FCSK: variants seen among roughly 807,000 people sequenced by gnomAD.
FCSK encodes L-fucose kinase.
Under a neutral mutation model 122.5 loss-of-function variants are expected in FCSK, and 123 were observed. That is an observed-to-expected ratio of 1.00 (90% CI 0.87 to 1.17). The LOEUF (loss-of-function observed/expected upper bound fraction) is 1.17. Ranked by LOEUF, FCSK falls within the 50% of genes most tolerant of loss-of-function variation. The pLI is 0.00. For missense variants in FCSK, 1,366 were observed against 1,450.4 expected (o/e 0.94, Z 0.95); for synonymous variants, 620 against 625.5 (o/e 0.99, Z 0.13).
At position 70,474,887 on chromosome 16, in the gene FCSK, G is replaced by A. The variant is rs764189604; in HGVS notation, c.2253G>A (p.Arg751=). 6.2e-7 allele frequency: 1 copy of A among 1,605,714 alleles called. No individual in the cohort carries two copies. Among genetic ancestry groups the A allele is most frequent in the Non-Finnish European group, 8.5e-7 (1 of 1,177,156 alleles). ...ACGGCCGCCGGCCCATCGGAGCCAG[G>A]GCACGCCGCATCCCGGAGCCTGAGC... is the stretch of plus-strand genomic sequence containing the variant. The part of the protein sequence containing the change: ...RVDGRRPIGA[R]ARRIPEPELW... The change falls in exon 18 of 24, where the codon AGG becomes AGA. Residue 751 remains arginine, a synonymous_variant. Coordinates refer to ENST00000288078, the MANE Select transcript of FCSK (RefSeq NM_145059.3).
In FCSK at chr16:70,466,152, T is replaced by G; in HGVS notation, c.306T>G (p.Asp102Glu). 1.9e-6 allele frequency: 3 copies of G among 1,613,968 alleles called. No homozygotes were observed. The highest frequency in any genetic ancestry group is 1.3e-5 in the African/African-American group (1 of 75,028). ...TCCAGGGTCGAGACTTCCCCTTTGATGACTGTGGCAGGGCTTTCACCTGCC... is the reference window on the plus strand; with the variant it reads ...TCCAGGGTCGAGACTTCCCCTTTGAGGACTGTGGCAGGGCTTTCACCTGCC... ...ILHMGRDFPF[D>E]DCGRAFTCLP... Residue 102 changes from aspartate to glutamate, a missense_variant, in exon 5 of 24, where the codon GAT becomes GAG. Coordinates refer to ENST00000288078, the MANE Select transcript of FCSK (RefSeq NM_145059.3).
Position 70,474,545 on chromosome 16 carries a change from G to T in FCSK, c.2006G>T (p.Arg669Leu). ...CTTGGCAGGCCAGCCTTGCTGGTGC[G>T]AGCGGCCCGCCACTATGAGGGGGCT... The part of the protein sequence containing the change: ...KWLSRPALLV[R>L]AARHYEGAGQ... Residue 669 changes from arginine to leucine, a missense_variant, in exon 17 of 24, where the codon CGA (arginine) becomes CTA (leucine). Arg to Leu is a moderately radical substitution (Grantham distance 102). Transcript: ENST00000288078. 6.5e-7 allele frequency: 1 copy of T among 1,548,338 alleles called. No individual in the cohort carries two copies. Among genetic ancestry groups the T allele is most frequent in the Non-Finnish European group, 8.7e-7 (1 of 1,147,216 alleles).
chr16:70,467,001 G>A, intron 6 of FCSK, 47 bp downstream of exon 6: 1 of 1,569,624 alleles, frequency 6.4e-7, no homozygotes, highest in Non-Finnish European at 8.7e-7. Context: ...CACAGCCACA[G>A]CAAGAAGCCA....
chr16:70,474,690 C>G lies in FCSK; in HGVS notation c.2151C>G (p.Phe717Leu). The change falls in exon 17 of 24, where the codon TTC becomes TTG. Residue 717 changes from phenylalanine (F) to leucine (L), a missense_variant. Transcript: ENST00000288078. ...VVAECPARVD[F>L]SGGWSDTPPL... is the part of the protein sequence containing the mutation. Reference sequence around the variant, plus strand: ...CTGAGTGCCCGGCCCGTGTGGATTTCTCTGGTGAGCCCCTTGTGGCAGGTG... The same window carrying G: ...CTGAGTGCCCGGCCCGTGTGGATTTGTCTGGTGAGCCCCTTGTGGCAGGTG... The G allele has an allele frequency of 6.3e-7, 1 of 1,599,706 alleles. No individual in the cohort carries two copies. The highest frequency in any genetic ancestry group is 8.5e-7 in the Non-Finnish European group (1 of 1,173,602).
Position 70,474,940 on chromosome 16 carries a change from A to T in FCSK, c.2306A>T (p.Asp769Val), listed in dbSNP as rs1597634927. 4 of 1,611,478 alleles carry T rather than the reference A, an allele frequency of 2.5e-6. No homozygotes were observed. In the Middle Eastern group the frequency reaches 5.0e-4, roughly 201 times the overall value. ...TGGCTGGCGGTGGGGCCTCGGCAGG[A>T]TGAGATGACTGTGAAGATAGTGTGC... ...ELWLAVGPRQ[D>V]EMTVKIVCRC... The change falls in exon 18 of 24, where the codon GAT becomes GTT. Residue 769 changes from aspartate (D) to valine (V), a missense_variant. Coordinates refer to ENST00000288078, the MANE Select transcript of FCSK (RefSeq NM_145059.3).
chr16:70,459,907 T>G (rs888669133), intron 1 of FCSK, among the ~76,000 whole-genome samples: 2 of 151,826 alleles, frequency 1.3e-5, no homozygotes, highest in Non-Finnish European at 2.9e-5. Flanking sequence ...GTTGAAGTGA[T>G]TCTCCTGTCT....
Position 70,478,591 on chromosome 16 carries a change from T to G in FCSK, c.2870T>G (p.Val957Gly), listed in dbSNP as rs768633106. 4 of 1,613,618 alleles carry G rather than the reference T, an allele frequency of 2.5e-6. No individual in the cohort carries two copies. The highest frequency in any genetic ancestry group is 3.4e-6 in the Non-Finnish European group (4 of 1,180,016). The change falls in exon 22 of 24, where the codon GTG becomes GGG. Residue 957 changes from valine (V) to glycine (G), a missense_variant. Physicochemically the swap from Val to Gly is moderately radical, Grantham distance 109. Transcript: ENST00000288078. ...RSWYARLPAV[V>G]QNAHSLVRQT... ...TGGTATGCCCGACTTCCTGCTGTGG[T>G]GCAGAATGCCCACAGCCTGGTACGG...
chr16:70,470,007 G>C (rs893588089), intron 10 of FCSK, among the ~76,000 whole-genome samples: 7 of 151,794 alleles, frequency 4.6e-5, no homozygotes, highest in Non-Finnish European at 1.0e-4. Context: ...ACCATGCCTG[G>C]CTAATTTTTG....
intron 7 of FCSK, 33 bp from the exon 8 acceptor site, chr16:70,467,853 C>A: frequency 6.3e-7 from 1 of 1,583,818 alleles, no homozygotes; most frequent in Non-Finnish European, 8.7e-7. Context: ...CCTTCCTGCT[C>A]CCTCCGCTGA....
At chr16:70,464,643 T>C (rs191319122) in intron 3 of FCSK, among the ~76,000 whole-genome samples, 2 of 143,530 alleles carry the variant, frequency 1.4e-5, no homozygotes, top group East Asian at 4.0e-4. Flanking sequence ...GCCATTGCAG[T>C]GAGCTGAGAT....
rs904218637 is a variant in FCSK at position 70,458,142 on chromosome 16, AT to A, written c.-23+3520del. 2.8e-3 allele frequency among the ~76,000 whole-genome samples: 422 copies of A among 148,294 alleles called. 2 individuals are homozygous for A. The highest frequency in any genetic ancestry group is 9.8e-3 in the African/African-American group (397 of 40,694). ...TGCTCAGTCCTAGTGGCTATTATTA[AT>A]TTTTTTTCTTTCTTTCTTTCTTTTT... is the stretch of plus-strand genomic sequence containing the variant. On this transcript the variant is annotated intron_variant, in intron 1 of 23. Coordinates refer to ENST00000288078, the MANE Select transcript of FCSK (RefSeq NM_145059.3).
intron 5 of FCSK, 64 bp downstream of exon 5, chr16:70,466,321 C>G: frequency 6.3e-7 from 1 of 1,595,752 alleles, no homozygotes; most frequent in Non-Finnish European, 8.6e-7. Context: ...CCCACTGTTC[C>G]CCCAGGTATG....
intron 1 of FCSK, among the ~76,000 whole-genome samples, chr16:70,458,823 A>G (rs556244191): frequency 1.8e-4 from 27 of 152,318 alleles, no homozygotes; most frequent in Admixed American, 3.3e-4. Context: ...AATAGATAAT[A>G]CATACTGAGT....
Position 70,473,361 on chromosome 16 carries a change from T to C in FCSK, c.1777+8T>C. The stretch of plus-strand genomic sequence containing the variant: ...TGGCCACGCTGGACCAGGGTGAGTG[T>C]GCAGGCTGGTAGTGCTGCAGAATCA... On this transcript the variant is annotated splice_region_variant and intron_variant, in intron 15 of 23. Coordinates refer to ENST00000288078, the MANE Select transcript of FCSK (RefSeq NM_145059.3). The surrounding 1 kb of genome is among the most constrained non-coding windows in gnomAD (Gnocchi z 4.9). 6.7e-7 allele frequency: 1 copy of C among 1,488,814 alleles called. No homozygotes were observed. Among genetic ancestry groups the C allele is most frequent in the East Asian group, 2.5e-5 (1 of 39,978 alleles). The allele number at this position is 1,488,814 out of a possible 1,614,324, so 92.2% of individuals were successfully genotyped here.
chr16:70,471,388 T>G, intron 13 of FCSK, 36 bp downstream of exon 13: 1 of 1,519,170 alleles, frequency 6.6e-7, no homozygotes, highest in Non-Finnish European at 8.9e-7. Context: ...ACCCCCATCT[T>G]CAGGCTTTGG....
chr16:70,478,201 C>T (rs1597642504), intron 20 of FCSK, 71 bp from the exon 21 acceptor site: 1 of 1,520,216 alleles, frequency 6.6e-7, no homozygotes, highest in Non-Finnish European at 9.0e-7. Context: ...GGGTGCAGGG[C>T]CGGGAGCCTA....
In FCSK at chr16:70,472,577, A is replaced by G; in HGVS notation, c.1378A>G (p.Ser460Gly). 6.2e-7 allele frequency: 1 copy of G among 1,613,140 alleles called. No homozygotes were observed. The highest frequency in any genetic ancestry group is 1.7e-5 in the Admixed American group (1 of 59,918). Reference protein sequence around the residue: ...GAGTYLNVPWSEFFKRTGVRA... With the variant: ...GAGTYLNVPWGEFFKRTGVRA... ...AGGCACATATCTCAACGTGCCCTGGAGTGAATTCTTCAAGAGGACAGGTGT... is the reference window on the plus strand; with the variant it reads ...AGGCACATATCTCAACGTGCCCTGGGGTGAATTCTTCAAGAGGACAGGTGT... The change falls in exon 14 of 24, where the codon AGT (serine) becomes GGT (glycine). Residue 460 changes from serine to glycine, a missense_variant. Physicochemically the swap from Ser to Gly is moderately conservative, Grantham distance 56. Transcript: ENST00000288078.
chr16:70,474,909 G>T lies in FCSK; in HGVS notation c.2275G>T (p.Glu759Ter). 1 of 1,610,896 alleles carries T rather than the reference G, an allele frequency of 6.2e-7. No individual in the cohort carries two copies. ...GARARRIPEP[E>*]LWLAVGPRQD... ...CAGGGCACGCCGCATCCCGGAGCCT[G>T]AGCTGTGGCTGGCGGTGGGGCCTCG... The change falls in exon 18 of 24, where the codon GAG (glutamate) becomes TAG (stop). Residue 759 changes from glutamate to a stop codon, truncating the protein, a stop_gained. Coordinates refer to ENST00000288078, the MANE Select transcript of FCSK (RefSeq NM_145059.3). LOFTEE classifies it high-confidence loss of function.
Position 70,474,895 on chromosome 16 carries a change from G to T in FCSK, c.2261G>T (p.Arg754Leu). ...GRRPIGARAR[R>L]IPEPELWLAV... ...CGGCCCATCGGAGCCAGGGCACGCC[G>T]CATCCCGGAGCCTGAGCTGTGGCTG... The change falls in exon 18 of 24, where the codon CGC becomes CTC. Residue 754 changes from arginine (R) to leucine (L), a missense_variant. Coordinates refer to ENST00000288078, the MANE Select transcript of FCSK (RefSeq NM_145059.3). 1 of 1,607,368 alleles carries T rather than the reference G, an allele frequency of 6.2e-7. No individual in the cohort carries two copies.
Sources: gnomAD v4.1 joint callset for allele counts (sites outside exome capture counted in the v4.1 genomes callset) on GRCh38, gnomAD v4.1.1 for gene constraint, Gnocchi (gnomAD v3.1) non-coding constraint, MANE v1.5 for transcripts, NCBI Gene and HGNC (gene_info 2026-07-23, HGNC 2026-07-21) for gene names.